CACNG3: variants seen among roughly 807,000 people sequenced by gnomAD.
The protein encoded by CACNG3 is voltage-dependent calcium channel gamma-3 subunit.
In CACNG3, 3 loss-of-function variants were observed where a neutral mutation model predicts 28.5. That is an observed-to-expected ratio of 0.11 (90% CI 0.05 to 0.27). The LOEUF is 0.27. Among genes scored for constraint, CACNG3 ranks in the 10% least tolerant of loss-of-function variants. CACNG3 has a pLI of 1.00. For synonymous variants in CACNG3, 174 were observed against 162.2 expected, an observed-to-expected ratio of 1.07 and a Z score of -0.55; for missense variants, 236 against 414.4, an observed-to-expected ratio of 0.57 and a Z score of 3.74.
In CACNG3 at chr16:24,315,473, TTCTC is replaced by T. The variant is rs915993478; in HGVS notation, c.212-31253_212-31250del. On this transcript the variant is annotated intron_variant, in intron 1 of 3. Coordinates refer to ENST00000005284, the MANE Select transcript of CACNG3 (RefSeq NM_006539.4). ...TTCCTTCCTTCTTTCCTTCCTTCCT[TTCTC>T]TCTCTCTTTCTTTCTTTTCCTGCTT... Among the ~76,000 whole-genome samples, 49 of 144,980 alleles carry T rather than the reference TTCTC, an allele frequency of 3.4e-4. 1 individual carries two copies. The highest frequency in any genetic ancestry group is 8.2e-4 in the African/African-American group (33 of 40,134).
intron 2 of CACNG3, among the ~76,000 whole-genome samples, chr16:24,350,299 CAT>C (rs1430430804): frequency 1.3e-5 from 2 of 151,936 alleles, no homozygotes; most frequent in East Asian, 1.9e-4. Context: ...CTCCTATCCA[CAT>C]GTTTCAAACA....
chr16:24,276,867 C>CA (rs200516332), intron 1 of CACNG3, among the ~76,000 whole-genome samples: 1 of 152,020 alleles, frequency 6.6e-6, no homozygotes, highest in Non-Finnish European at 1.5e-5. Context: ...AAGCAAAGTG[C>CA]AAAAAAACTG....
At chr16:24,260,174 C>T (rs1596618542) in intron 1 of CACNG3, among the ~76,000 whole-genome samples, 3 of 152,264 alleles carry the variant, frequency 2.0e-5, no homozygotes, top group Admixed American at 2.0e-4. Flanking sequence ...TGAATTTGGC[C>T]CATGGGCTGC....
chr16:24,261,124 G>A (rs1040532849), intron 1 of CACNG3, among the ~76,000 whole-genome samples: 4 of 152,176 alleles, frequency 2.6e-5, no homozygotes, highest in Admixed American at 6.6e-5. Context: ...GAGAAATTTA[G>A]ATAAGATTAG....
At chr16:24,295,501 G>A (rs557939761) in intron 1 of CACNG3, among the ~76,000 whole-genome samples, 35 of 152,236 alleles carry the variant, frequency 2.3e-4, no homozygotes, top group African/African-American at 8.4e-4. Flanking sequence ...TGCAATTTAT[G>A]GACTAAGTAT....
chr16:24,302,131 CCTT>C (rs1487432688), intron 1 of CACNG3, among the ~76,000 whole-genome samples: 1 of 152,232 alleles, frequency 6.6e-6, no homozygotes, highest in Admixed American at 6.5e-5. Flanking sequence ...CACTCATCCT[CCTT>C]CTGATTCCTC....
intron 1 of CACNG3, among the ~76,000 whole-genome samples, chr16:24,343,124 G>T (rs977920389): frequency 1.3e-5 from 2 of 152,112 alleles, no homozygotes; most frequent in African/African-American, 4.8e-5. Flanking sequence ...GGGAGGCGGA[G>T]GTTGCAGTGG....
chr16:24,260,131 A>G (rs1260713033), intron 1 of CACNG3, among the ~76,000 whole-genome samples: 3 of 152,334 alleles, frequency 2.0e-5, no homozygotes, highest in African/African-American at 7.2e-5. Flanking sequence ...TCCTTGAGTG[A>G]CATGATCAGC....
At chr16:24,321,142 G>A (rs369643196) in intron 1 of CACNG3, among the ~76,000 whole-genome samples, 1 of 152,200 alleles carries the variant, frequency 6.6e-6, no homozygotes, top group East Asian at 1.9e-4. Context: ...CACTGTAGAT[G>A]CTAACCACCT....
chr16:24,278,312 A>AAAT (rs1404999842), intron 1 of CACNG3, among the ~76,000 whole-genome samples: 1 of 152,140 alleles, frequency 6.6e-6, no homozygotes, highest in Admixed American at 6.5e-5. Context: ...ATAACAAGTA[A>AAAT]AATAATAATA....
At chr16:24,283,232 G>C (rs536934290) in intron 1 of CACNG3, among the ~76,000 whole-genome samples, 6 of 152,076 alleles carry the variant, frequency 3.9e-5, no homozygotes, top group Non-Finnish European at 8.8e-5. Context: ...TAACTATTCT[G>C]TCTCATTGTA....
chr16:24,282,321 A>G (rs1898840121), intron 1 of CACNG3, among the ~76,000 whole-genome samples: 1 of 152,040 alleles, frequency 6.6e-6, no homozygotes, highest in African/African-American at 2.4e-5. Flanking sequence ...TTGGGAGGCC[A>G]CACAGACTGA....
intron 1 of CACNG3, among the ~76,000 whole-genome samples, chr16:24,316,200 G>A (rs954111346): frequency 1.8e-5 from 2 of 113,096 alleles, no homozygotes; most frequent in African/African-American, 5.5e-5. Flanking sequence ...GGGACTCTCA[G>A]GAACCGTCTG....
intron 1 of CACNG3, among the ~76,000 whole-genome samples, chr16:24,325,900 G>C (rs566610803): frequency 1.1e-3 from 168 of 152,304 alleles, no homozygotes; most frequent in Non-Finnish European, 1.7e-3. Context: ...TTTCAAATAA[G>C]CGTAAGCAGC....
intron 1 of CACNG3, among the ~76,000 whole-genome samples, chr16:24,302,675 G>GTTTTT (rs1208614331): frequency 6.7e-6 from 1 of 149,976 alleles, no homozygotes; most frequent in Non-Finnish European, 1.5e-5. Flanking sequence ...GTTTTGTTTT[G>GTTTTT]TTGAGACAGA....
chr16:24,278,955 G>A (rs928355864), intron 1 of CACNG3, among the ~76,000 whole-genome samples: 1 of 152,202 alleles, frequency 6.6e-6, no homozygotes, highest in Non-Finnish European at 1.5e-5. Flanking sequence ...AGAGATGAAG[G>A]GATGGGTTGT....
intron 1 of CACNG3, among the ~76,000 whole-genome samples, chr16:24,292,580 T>C (rs946444539): frequency 5.3e-5 from 8 of 152,052 alleles, no homozygotes; most frequent in Admixed American, 2.6e-4. Context: ...TTTTTCCTCC[T>C]CTCTCTCCCA....
intron 1 of CACNG3, among the ~76,000 whole-genome samples, chr16:24,265,876 T>C (rs1431456149): frequency 6.6e-6 from 1 of 152,250 alleles, no homozygotes; most frequent in Non-Finnish European, 1.5e-5. Flanking sequence ...TATCTTGCCT[T>C]TTCCAGAAAA....
intron 2 of CACNG3, among the ~76,000 whole-genome samples, chr16:24,351,592 G>A (rs62026765): frequency 1.3e-5 from 1 of 77,410 alleles, no homozygotes; most frequent in African/African-American, 6.8e-5. Flanking sequence ...GAAGAGGAAG[G>A]GGAAGGGGAA....
Sources: gnomAD v4.1 joint callset for allele counts (sites outside exome capture counted in the v4.1 genomes callset) on GRCh38, gnomAD v4.1.1 for gene constraint, MANE v1.5 for transcripts, NCBI Gene and HGNC (gene_info 2026-07-23, HGNC 2026-07-21) for gene names.